MED12L: variants seen among roughly 807,000 people sequenced by gnomAD.
The protein encoded by MED12L is mediator complex subunit 12L, also known as mediator of RNA polymerase II transcription subunit 12-like protein.
MED12L carries 60 observed loss-of-function variants against 281.3 expected under a neutral mutation model. That is an observed-to-expected ratio of 0.21 (90% CI 0.17 to 0.26). MED12L has a LOEUF of 0.26. MED12L is among the 10% of genes least tolerant of loss of function. The pLI, the probability that MED12L is intolerant of heterozygous loss-of-function variation, is 1.00. For synonymous variants in MED12L, 974 were observed against 987.2 expected, an observed-to-expected ratio of 0.99 and a Z score of 0.25; for missense variants, 2,146 against 2,680.9, an observed-to-expected ratio of 0.80 and a Z score of 4.41.
At chr3:151,343,780 A>G (rs998843376) in intron 16 of MED12L, among the ~76,000 whole-genome samples, 2 of 152,142 alleles carry the variant, frequency 1.3e-5, no homozygotes, top group South Asian at 2.1e-4. Context: ...TACCAAGTCT[A>G]CTAAAGGTAG....
rs1275094927 is a variant in MED12L at position 151,388,142 on chromosome 3, G to A, written c.5421G>A (p.Lys1807=). 1.2e-6 allele frequency: 2 copies of A among 1,601,358 alleles called. No homozygotes were observed. Among genetic ancestry groups the A allele is most frequent in the Non-Finnish European group, 1.7e-6 (2 of 1,175,486 alleles). The part of the protein sequence containing the change: ...TDEEKKTKGR[K]RKTKSSSRVD... ...AAGAAAAGAAAACAAAAGGAAGGAA[G>A]CGCAAGACGAAATCTAGCTCAAGAG... Residue 1807 remains lysine (K), a synonymous_variant, in exon 37 of 45, where the codon AAG becomes AAA. Coordinates refer to ENST00000687756, the MANE Select transcript of MED12L (RefSeq NM_001393769.1).
At chr3:151,349,597 T>C (rs2150015352) in intron 16 of MED12L, among the ~76,000 whole-genome samples, 1 of 152,136 alleles carries the variant, frequency 6.6e-6, no homozygotes, top group South Asian at 2.1e-4. Flanking sequence ...GAATATTTTT[T>C]ATAAAGGTGT....
At chr3:151,302,003 G>A (rs541991230) in intron 16 of MED12L, among the ~76,000 whole-genome samples, 3 of 152,348 alleles carry the variant, frequency 2.0e-5, no homozygotes, top group Non-Finnish European at 2.9e-5. Flanking sequence ...AAGAAGCCAA[G>A]TGCTGACTGG....
chr3:151,127,792 T>G (rs777583814), intron 4 of MED12L, 33 bp from the exon 5 acceptor site: 13 of 1,481,956 alleles, frequency 8.8e-6, no homozygotes, highest in Non-Finnish European at 1.1e-5. Flanking sequence ...CAGTACGTGA[T>G]TATTATAAAT....
At position 151,235,585 on chromosome 3, in the gene MED12L, G is replaced by T. The variant is rs139063691; in HGVS notation, c.2250+41919G>T. Among the ~76,000 whole-genome samples, 777 of 152,070 alleles carry T rather than the reference G, an allele frequency of 5.1e-3. 12 individuals are homozygous for T. Among genetic ancestry groups the T allele is most frequent in the African/African-American group, 0.017 (724 of 41,472 alleles). On this transcript the variant is annotated intron_variant, in intron 16 of 44. Transcript: ENST00000687756. ...TGGGCGTGCCTGTAATCCCAGTTAC[G>T]CGGGAGGCTGAGGCAGGAGAATTCC...
chr3:151,142,301 TG>T (rs1717140882), intron 5 of MED12L, among the ~76,000 whole-genome samples: 1 of 152,214 alleles, frequency 6.6e-6, no homozygotes, highest in Admixed American at 6.5e-5. Context: ...AGTGGGGGAA[TG>T]GTGTTTGCTT....
At chr3:151,259,335 C>G (rs1460951519) in intron 16 of MED12L, among the ~76,000 whole-genome samples, 1 of 152,188 alleles carries the variant, frequency 6.6e-6, no homozygotes, top group African/African-American at 2.4e-5. Flanking sequence ...GAGGAATTTT[C>G]TGATCTGAGG....
intron 43 of MED12L, among the ~76,000 whole-genome samples, chr3:151,422,692 A>T (rs1388326328): frequency 6.6e-6 from 1 of 152,124 alleles, no homozygotes; most frequent in Non-Finnish European, 1.5e-5. Context: ...CGACTCCAGC[A>T]TGTCTTTTTT....
intron 16 of MED12L, chr3:151,316,742 A>G (rs1024931490): frequency 2.0e-5 from 3 of 152,214 alleles, no homozygotes; most frequent in African/African-American, 7.2e-5. Flanking sequence ...CCCCTACCAG[A>G]CAAGGTAGGT....
intron 2 of MED12L, among the ~76,000 whole-genome samples, chr3:151,093,022 C>T (rs368503183): frequency 1.5e-4 from 23 of 152,242 alleles, no homozygotes; most frequent in South Asian, 1.2e-3. Flanking sequence ...CCTCTGCAGC[C>T]GAATGTGAAA....
intron 30 of MED12L, among the ~76,000 whole-genome samples, chr3:151,377,499 A>AT (rs1385459940): frequency 6.6e-6 from 1 of 152,158 alleles, no homozygotes; most frequent in Non-Finnish European, 1.5e-5. Flanking sequence ...TTAATTAATT[A>AT]TTTTGCACAA....
intron 16 of MED12L, among the ~76,000 whole-genome samples, chr3:151,290,532 G>A (rs574564227): frequency 2.0e-5 from 3 of 151,926 alleles, no homozygotes; most frequent in African/African-American, 7.2e-5. Context: ...GTATACTTTT[G>A]AAACTATAAA....
intron 16 of MED12L, among the ~76,000 whole-genome samples, chr3:151,215,913 T>C (rs1467410204): frequency 6.6e-6 from 1 of 152,222 alleles, no homozygotes; most frequent in African/African-American, 2.4e-5. Context: ...GACTTTCATT[T>C]GTGTGGAAAA....
chr3:151,208,126 T>C (rs973426219), intron 16 of MED12L, among the ~76,000 whole-genome samples: 3 of 152,230 alleles, frequency 2.0e-5, no homozygotes, highest in Non-Finnish European at 4.4e-5. Flanking sequence ...ATTTTTCTTA[T>C]TTTTTACCTA....
intron 2 of MED12L, among the ~76,000 whole-genome samples, chr3:151,088,112 GT>G (rs1719526700): frequency 1.3e-5 from 2 of 152,204 alleles, no homozygotes; most frequent in Admixed American, 1.3e-4. Context: ...CTTTTGATAA[GT>G]GTATCTTTCA....
rs71801434 is a variant in MED12L at position 151,269,397 on chromosome 3, T to TCACA, written c.2250+75772_2250+75775dup. The TCACA allele has an allele frequency of 6.9e-3, 1,006 of 144,808 alleles. 14 individuals carry two copies. The highest frequency in any genetic ancestry group is 0.017 in the East Asian group (84 of 4,894). The allele number at this position is 144,808 out of a possible 1,614,324, so 9.0% of individuals were successfully genotyped here. A position where few individuals can be genotyped will look rare whatever the true frequency, so the allele number is the denominator to read the frequency against. On this transcript the variant is annotated intron_variant, in intron 16 of 44. Transcript: ENST00000687756. ...CCTGGGCAACAAGAGTGAAACTCCA[T>TCACA]CACACACACACACACACACACACAC...
chr3:151,311,110 G>A (rs978563701), intron 16 of MED12L, among the ~76,000 whole-genome samples: 8 of 152,188 alleles, frequency 5.3e-5, no homozygotes, highest in African/African-American at 1.9e-4. Flanking sequence ...CTGGCCAGTT[G>A]TTTAGTGCCT....
At chr3:151,268,387 A>G (rs1740240824) in intron 16 of MED12L, among the ~76,000 whole-genome samples, 2 of 152,224 alleles carry the variant, frequency 1.3e-5, no homozygotes, top group African/African-American at 4.8e-5. Flanking sequence ...GGAAGAAAAT[A>G]TGGTGAGCAT....
chr3:151,170,380 A>G (rs1314219596), intron 11 of MED12L, among the ~76,000 whole-genome samples: 2 of 147,534 alleles, frequency 1.4e-5, no homozygotes, highest in African/African-American at 5.1e-5. Flanking sequence ...AGTTCAAGCC[A>G]TTCTCTGCCT....
Sources: gnomAD v4.1 joint callset for allele counts (sites outside exome capture counted in the v4.1 genomes callset) on GRCh38, gnomAD v4.1.1 for gene constraint, MANE v1.5 for transcripts, NCBI Gene and HGNC (gene_info 2026-07-23, HGNC 2026-07-21) for gene names.